Variants in ADGRV1 observed in about 807,000 individuals in gnomAD.
The protein encoded by ADGRV1 is G-protein coupled receptor 98.
A neutral mutation model predicts 596.2 loss-of-function variants in ADGRV1; 359 were observed. The observed-to-expected ratio is 0.60, with a 90% CI of 0.55 to 0.66. The LOEUF (loss-of-function observed/expected upper bound fraction) is 0.66, where lower values mean the gene tolerates loss of function less well. Ranked by LOEUF, ADGRV1 falls within the 30% of genes least tolerant of loss-of-function variation. The probability of loss-of-function intolerance (pLI) is 0.00; values close to 1 mark genes in which losing one functional copy is unlikely to be tolerated. For synonymous variants in ADGRV1, 2,681 were observed against 2,679.2 expected, an observed-to-expected ratio of 1.00 and a Z score of -0.02; for missense variants, 7,274 against 7,575.6, an observed-to-expected ratio of 0.96 and a Z score of 1.48.
rs144537252 is a variant in ADGRV1, at chr5:90,716,792, C to G, written c.9447+63C>G. On this transcript the variant is annotated intron_variant, in intron 43 of 89. Coordinates refer to ENST00000405460, the MANE Select transcript of ADGRV1 (RefSeq NM_032119.4). ...TTTAATATTTACAAAATAAATTTCT[C>G]TTAGATGAGCACTCAAGTCCTAGAA... 6.8e-4 allele frequency: 877 copies of G among 1,284,986 alleles called. 5 individuals are homozygous for G. The African/African-American group carries it at 0.011, about 17-fold the overall frequency. 79.6% of individuals were successfully genotyped at this position (1,284,986 alleles called of 1,614,324 possible). A position where few individuals can be genotyped will look rare whatever the true frequency, so the allele number is the denominator to read the frequency against.
chr5:90,745,080 T>A lies in ADGRV1; in HGVS notation c.10584T>A (p.Ala3528=), dbSNP rs1300263240. The A allele has an allele frequency of 1.2e-6, 2 of 1,613,830 alleles. No homozygotes were observed. Among genetic ancestry groups the A allele is most frequent in the Non-Finnish European group, 1.7e-6 (2 of 1,179,764 alleles). ...TTCTTATTGGCCAAGATATGTCTGC[T>A]CTTTACTGCTGGAATTCGGAGCGTA... The part of the protein sequence containing the change: ...HILLIGQDMS[A]LYCWNSERNQ... The change falls in exon 51 of 90, where the codon GCT becomes GCA. Residue 3528 remains alanine, a synonymous_variant. Transcript: ENST00000405460.
chr5:90,625,971 C>T (rs1764704269), intron 6 of ADGRV1: 1 of 152,074 alleles, frequency 6.6e-6, no homozygotes, highest in Non-Finnish European at 1.5e-5. Context: ...TTGGAACTAG[C>T]AAGGATAGAG....
chr5:91,098,561 C>T (rs764920710), intron 86 of ADGRV1, among the ~76,000 whole-genome samples: 1 of 152,164 alleles, frequency 6.6e-6, no homozygotes, highest in Non-Finnish European at 1.5e-5. Context: ...TCATCCTAAT[C>T]ATTGTTGTAC....
Position 90,851,134 on chromosome 5 carries a change from T to TGTGTGTGAGAGA in ADGRV1, c.17205-2149_17205-2148insTGTGTGAGAGAG, listed in dbSNP as rs757909771. Reference sequence around the variant, plus strand: ...GTGTGTGTGTGTGTGTGTGTGTGTGTGAGAGAGAGAGAGAGAGAGAGAGAG... The same window carrying TGTGTGTGAGAGA: ...GTGTGTGTGTGTGTGTGTGTGTGTGTGTGTGTGAGAGAGAGAGAGAGAGAGAGAGAGAGAGAG... On this transcript the variant is annotated intron_variant, in intron 79 of 89. Coordinates refer to ENST00000405460, the MANE Select transcript of ADGRV1 (RefSeq NM_032119.4). Among the ~76,000 whole-genome samples, 105 of 81,500 alleles carry TGTGTGTGAGAGA rather than the reference T, an allele frequency of 1.3e-3. 1 individual carries two copies. The highest frequency in any genetic ancestry group is 3.9e-3 in the East Asian group (9 of 2,318). 53.5% of individuals were successfully genotyped at this position (81,500 alleles called of 152,430 possible).
chr5:90,924,457 C>A (rs533387305), intron 83 of ADGRV1, among the ~76,000 whole-genome samples: 1 of 150,868 alleles, frequency 6.6e-6, no homozygotes, highest in Non-Finnish European at 1.5e-5. Flanking sequence ...TCATGTCCTT[C>A]GCCCACTTTT....
At chr5:91,089,214 A>G (rs562652551) in intron 86 of ADGRV1, among the ~76,000 whole-genome samples, 2 of 152,296 alleles carry the variant, frequency 1.3e-5, no homozygotes, top group South Asian at 2.1e-4. Flanking sequence ...TGAGTTTTGT[A>G]TCCATTTGCT....
chr5:90,602,799 T>C (rs1283043878), intron 1 of ADGRV1, among the ~76,000 whole-genome samples: 1 of 152,236 alleles, frequency 6.6e-6, no homozygotes, highest in Non-Finnish European at 1.5e-5. Context: ...GTATTTCTGT[T>C]GTGTTTTAGA....
In ADGRV1 at chr5:90,645,976, A is replaced by G. The variant is rs1391105315; in HGVS notation, c.2907A>G (p.Glu969=). ...TGTAACATTTTCCAAAGATTCCAGA[A>G]GAAATGGAAGAATTTACCGTTATCC... The part of the protein sequence containing the change: ...TIYSLPDEIP[E]EMEEFTVILL... Residue 969 remains glutamate, a synonymous_variant, in exon 16 of 90, where the codon GAA becomes GAG. Transcript: ENST00000405460. 1 of 1,589,138 alleles carries G rather than the reference A, an allele frequency of 6.3e-7. No homozygotes were observed. Among genetic ancestry groups the G allele is most frequent in the Non-Finnish European group, 8.6e-7 (1 of 1,167,374 alleles).
chr5:90,639,298 A>G (rs752870306), intron 11 of ADGRV1, among the ~76,000 whole-genome samples: 2 of 152,154 alleles, frequency 1.3e-5, no homozygotes, highest in African/African-American at 4.8e-5. Flanking sequence ...GAAAACAACT[A>G]AAGAAACAGA....
At chr5:90,975,605 G>T (rs1034379997) in intron 84 of ADGRV1, among the ~76,000 whole-genome samples, 4 of 152,066 alleles carry the variant, frequency 2.6e-5, no homozygotes, top group Non-Finnish European at 5.9e-5. Context: ...TCACAAGGAT[G>T]AAAAACCAAA....
At chr5:90,602,242 T>C (rs1397987322) in intron 1 of ADGRV1, among the ~76,000 whole-genome samples, 1 of 152,138 alleles carries the variant, frequency 6.6e-6, no homozygotes, top group Non-Finnish European at 1.5e-5. Context: ...TGTCGGTAGA[T>C]AGATGGAAGG....
chr5:90,743,337 G>A (rs781525381), intron 50 of ADGRV1, among the ~76,000 whole-genome samples: 21 of 152,122 alleles, frequency 1.4e-4, no homozygotes, highest in Admixed American at 3.9e-4. Context: ...AAATAAGCAC[G>A]AACAGTGGTT....
At chr5:91,154,082 A>G (rs1429255387) in intron 89 of ADGRV1, among the ~76,000 whole-genome samples, 1 of 152,236 alleles carries the variant, frequency 6.6e-6, no homozygotes, top group Non-Finnish European at 1.5e-5. Context: ...CATAATATAA[A>G]CATAGTGGAT....
At chr5:91,080,588 C>CAAAAAAAA (rs10696264) in intron 86 of ADGRV1, among the ~76,000 whole-genome samples, 4 of 84,484 alleles carry the variant, frequency 4.7e-5, no homozygotes, top group African/African-American at 1.5e-4. Flanking sequence ...GCACACCCTG[C>CAAAAAAAA]AAAAAAAAAA....
At position 90,778,505 on chromosome 5, in the gene ADGRV1, A is replaced by G. The variant is rs767753409; in HGVS notation, c.12745A>G (p.Ser4249Gly). 13 of 1,612,936 alleles carry G rather than the reference A, an allele frequency of 8.1e-6. No individual in the cohort carries two copies. Among genetic ancestry groups the G allele is most frequent in the Non-Finnish European group, 1.0e-5 (12 of 1,179,472 alleles). The change falls in exon 63 of 90, where the codon AGT (serine) becomes GGT (glycine). Residue 4249 changes from serine (S) to glycine (G), a missense_variant. Coordinates refer to ENST00000405460, the MANE Select transcript of ADGRV1 (RefSeq NM_032119.4). ...TGCAGTCAGTGAGGGAGGAGTTCTGAGTGAATCCAGCAGCACTGCCAACAT... is the reference window on the plus strand; with the variant it reads ...TGCAGTCAGTGAGGGAGGAGTTCTGGGTGAATCCAGCAGCACTGCCAACAT... ...LTAVSEGGVL[S>G]ESSSTANITV...
At chr5:90,861,097 TTAC>T (rs1767508589) in intron 82 of ADGRV1, among the ~76,000 whole-genome samples, 1 of 152,142 alleles carries the variant, frequency 6.6e-6, no homozygotes, top group South Asian at 2.1e-4. Context: ...TAGCTGTTCT[TTAC>T]CAATTAGATG....
chr5:90,648,353 G>C (rs1768093961), intron 17 of ADGRV1, among the ~76,000 whole-genome samples: 1 of 152,202 alleles, frequency 6.6e-6, no homozygotes. Flanking sequence ...AATTGGAAAG[G>C]CCTATGGCTT....
chr5:90,840,916 C>T lies in ADGRV1; in HGVS notation c.16950C>T (p.Thr5650=). The part of the protein sequence containing the change: ...NDDILNRVLH[T]ISMKVATENT... The stretch of plus-strand genomic sequence containing the variant: ...ATATTCTCAACAGAGTGCTCCATAC[C>T]ATCAGCATGAAAGTGGCCACAGAAA... Residue 5650 remains threonine (T), a synonymous_variant, in exon 78 of 90, where the codon ACC becomes ACT. Coordinates refer to ENST00000405460, the MANE Select transcript of ADGRV1 (RefSeq NM_032119.4). The T allele has an allele frequency of 6.5e-7, 1 of 1,542,676 alleles. No individual in the cohort carries two copies. Among genetic ancestry groups the T allele is most frequent in the Non-Finnish European group, 8.8e-7 (1 of 1,141,792 alleles).
intron 83 of ADGRV1, among the ~76,000 whole-genome samples, chr5:90,885,817 G>A (rs573147759): frequency 2.6e-5 from 4 of 152,026 alleles, no homozygotes; most frequent in African/African-American, 9.6e-5. Flanking sequence ...GTTTTAAGGA[G>A]TTGCTTAATA....
Sources: allele counts gnomAD v4.1 joint callset (sites outside exome capture counted in the v4.1 genomes callset), GRCh38; gene constraint gnomAD v4.1.1; transcripts MANE v1.5; gene names NCBI Gene and HGNC (gene_info 2026-07-23, HGNC 2026-07-21).